ATG10: variants seen among roughly 807,000 people sequenced by gnomAD.
ATG10 encodes the protein ubiquitin-like-conjugating enzyme ATG10.
ATG10 carries 30 observed loss-of-function variants against 32.1 expected under a neutral mutation model. The observed-to-expected ratio is 0.94, with a 90% CI of 0.70 to 1.27. The LOEUF is 1.27. Ranked by LOEUF, ATG10 falls within the 50% of genes most tolerant of loss-of-function variation. The pLI is 0.00. For synonymous variants in ATG10, 87 were observed against 91.5 expected, an observed-to-expected ratio of 0.95 and a Z score of 0.28; for missense variants, 233 against 262.3, an observed-to-expected ratio of 0.89 and a Z score of 0.77.
chr5:82,113,544 T>C (rs1030253821), intron 3 of ATG10, among the ~76,000 whole-genome samples: 2 of 152,018 alleles, frequency 1.3e-5, no homozygotes, highest in Non-Finnish European at 2.9e-5. Context: ...TGAAGACTTA[T>C]TTCAAGTGTA....
chr5:82,080,044 T>G (rs1764418985), intron 3 of ATG10, among the ~76,000 whole-genome samples: 1 of 152,220 alleles, frequency 6.6e-6, no homozygotes, highest in Non-Finnish European at 1.5e-5. Flanking sequence ...CCTGACTTTT[T>G]AATGATTACC....
chr5:82,127,430 A>G (rs764388709), intron 3 of ATG10, among the ~76,000 whole-genome samples: 23 of 152,030 alleles, frequency 1.5e-4, no homozygotes, highest in Non-Finnish European at 2.8e-4. Context: ...AGTGCTGTAA[A>G]TTTTCCTCTA....
intron 2 of ATG10, among the ~76,000 whole-genome samples, chr5:82,004,391 G>A (rs568402236): frequency 4.6e-5 from 7 of 152,190 alleles, no homozygotes; most frequent in South Asian, 2.1e-4. Context: ...AAGTATTTGC[G>A]TCCCCGAAGT....
At chr5:82,126,974 A>C (rs1245196548) in intron 3 of ATG10, among the ~76,000 whole-genome samples, 2 of 151,922 alleles carry the variant, frequency 1.3e-5, no homozygotes, top group Non-Finnish European at 2.9e-5. Context: ...TTATTGGTCT[A>C]TTCAGGAATT....
rs550505078 is a variant in ATG10, at chr5:82,015,414, A to C, written c.108+27736A>C. Among the ~76,000 whole-genome samples, 14 of 152,284 alleles carry C rather than the reference A, an allele frequency of 9.2e-5. No individual in the cohort carries two copies. In the East Asian group the frequency reaches 1.9e-3, roughly 21 times the overall value. On this transcript the variant is annotated intron_variant, in intron 2 of 7. Transcript: ENST00000282185. ...GGAAGTTCTCCTGGATAATATCCTG[A>C]AGAGTGTTTTCCAGCTTGGTTCCAT...
intron 5 of ATG10, chr5:82,242,910 G>A (rs755289352): frequency 3.2e-5 from 14 of 431,286 alleles, no homozygotes; most frequent in Non-Finnish European, 5.9e-5. Flanking sequence ...TAAAATGTGG[G>A]TAAATTTTAA....
intron 2 of ATG10, among the ~76,000 whole-genome samples, chr5:82,052,731 G>C (rs567966033): frequency 6.6e-6 from 1 of 152,194 alleles, no homozygotes; most frequent in South Asian, 2.1e-4. Flanking sequence ...ACATATGGTA[G>C]CATGCATATA....
intron 3 of ATG10, among the ~76,000 whole-genome samples, chr5:82,094,143 T>G (rs1239349897): frequency 6.6e-6 from 1 of 152,178 alleles, no homozygotes; most frequent in East Asian, 1.9e-4. Flanking sequence ...GGTTATACCT[T>G]CTTGCACTGT....
intron 2 of ATG10, among the ~76,000 whole-genome samples, chr5:82,035,100 CAG>C (rs1762872410): frequency 6.6e-6 from 1 of 151,992 alleles, no homozygotes; most frequent in South Asian, 2.1e-4. Context: ...TTAGTAGAGA[CAG>C]GGTTTCACCA....
At chr5:82,010,410 A>T (rs1438890270) in intron 2 of ATG10, among the ~76,000 whole-genome samples, 1 of 152,196 alleles carries the variant, frequency 6.6e-6, no homozygotes, top group Non-Finnish European at 1.5e-5. Flanking sequence ...GAGTGAAATT[A>T]TGTATCTATA....
chr5:82,067,926 C>T (rs140119522), intron 3 of ATG10, among the ~76,000 whole-genome samples: 1 of 152,198 alleles, frequency 6.6e-6, no homozygotes, highest in African/African-American at 2.4e-5. Flanking sequence ...TTTCTAGCAG[C>T]AGCTGTATAC....
intron 5 of ATG10, among the ~76,000 whole-genome samples, chr5:82,187,417 A>G (rs911662006): frequency 6.7e-6 from 1 of 150,286 alleles, no homozygotes; most frequent in African/African-American, 2.4e-5. Flanking sequence ...AGGGTGAGGC[A>G]GGAGAATCAC....
chr5:82,061,752 G>C (rs1763781530), intron 3 of ATG10, among the ~76,000 whole-genome samples: 1 of 134,222 alleles, frequency 7.5e-6, no homozygotes, highest in Non-Finnish European at 1.6e-5. Flanking sequence ...GTGTATATAT[G>C]TGTATATACA....
intron 1 of ATG10, among the ~76,000 whole-genome samples, chr5:81,979,776 TC>T (rs1007501485): frequency 1.1e-4 from 17 of 152,106 alleles, no homozygotes; most frequent in African/African-American, 4.1e-4. Context: ...GGCATAAGTT[TC>T]TTTCCAGCAG....
intron 5 of ATG10, among the ~76,000 whole-genome samples, chr5:82,232,881 C>G (rs1191069213): frequency 6.6e-6 from 1 of 152,198 alleles, no homozygotes; most frequent in Non-Finnish European, 1.5e-5. Flanking sequence ...CCACTGGACT[C>G]TGCCTTCCTT....
intron 2 of ATG10, among the ~76,000 whole-genome samples, chr5:82,040,627 A>T (rs1449697566): frequency 6.6e-6 from 1 of 152,210 alleles, no homozygotes; most frequent in East Asian, 1.9e-4. Flanking sequence ...AATTCCTAAG[A>T]ATTAAAAATG....
In ATG10 at chr5:82,005,842, T is replaced by G. The variant is rs1761974275; in HGVS notation, c.108+18164T>G. Among the ~76,000 whole-genome samples, 10 of 152,156 alleles carry G rather than the reference T, an allele frequency of 6.6e-5. 1 individual carries two copies. The highest frequency in any genetic ancestry group is 6.5e-4 in the Admixed American group (10 of 15,274). On this transcript the variant is annotated intron_variant, in intron 2 of 7. Coordinates refer to ENST00000282185, the MANE Select transcript of ATG10 (RefSeq NM_031482.5). ...AATATCCTACTTTCTTGAGATTATA[T>G]TTTATACAATTAATACTAGATCATT...
chr5:82,226,413 T>C (rs982180719), intron 5 of ATG10, among the ~76,000 whole-genome samples: 21 of 152,296 alleles, frequency 1.4e-4, no homozygotes, highest in African/African-American at 4.8e-4. Context: ...GTATAGTCAG[T>C]GAAATAAACA....
At chr5:82,174,986 C>A (rs944613568) in intron 4 of ATG10, among the ~76,000 whole-genome samples, 2 of 152,042 alleles carry the variant, frequency 1.3e-5, no homozygotes, top group African/African-American at 4.8e-5. Context: ...AAGTTGGAGA[C>A]CATGGTTTGG....
Sources: allele counts gnomAD v4.1 joint callset (sites outside exome capture counted in the v4.1 genomes callset), GRCh38; gene constraint gnomAD v4.1.1; transcripts MANE v1.5; gene names NCBI Gene and HGNC (gene_info 2026-07-23, HGNC 2026-07-21).